SUN1: variants seen among roughly 807,000 people sequenced by gnomAD.
SUN1 encodes SUN domain-containing protein 1.
A neutral mutation model predicts 103.2 loss-of-function variants in SUN1; 61 were observed. The ratio of observed to expected loss-of-function variants is 0.59; its 90% CI spans 0.48 to 0.73. The LOEUF (loss-of-function observed/expected upper bound fraction) is 0.73, where lower values mean the gene tolerates loss of function less well. Ranked by LOEUF, SUN1 falls within the 30% of genes least tolerant of loss-of-function variation. The pLI, the probability that SUN1 is intolerant of heterozygous loss-of-function variation, is 0.00. For synonymous variants in SUN1, 490 were observed against 425.7 expected, an observed-to-expected ratio of 1.15 and a Z score of -1.86; for missense variants, 1,052 against 1,034.6, an observed-to-expected ratio of 1.02 and a Z score of -0.23.
Position 860,141 on chromosome 7 carries a change from T to G in SUN1, c.1538T>G (p.Val513Gly). The stretch of plus-strand genomic sequence containing the variant: ...CTGTTTTACTAGGTGGACGTGCAAG[T>G]CAGAGAAATGGTGAAACTCCTGTTT... ...DAVQERVDVQ[V>G]REMVKLLFSE... The change falls in exon 14 of 19, where the codon GTC becomes GGC. Residue 513 changes from valine to glycine, a missense_variant. Around this residue, in one of 2 missense-constraint regions of SUN1, gnomAD observed 846 missense variants for 774.5 expected, o/e 1.09. Coordinates refer to ENST00000401592, the MANE Select transcript of SUN1 (RefSeq NM_001130965.3). The G allele has an allele frequency of 6.2e-7, 1 of 1,614,106 alleles. No individual in the cohort carries two copies. Among genetic ancestry groups the G allele is most frequent in the Non-Finnish European group, 8.5e-7 (1 of 1,179,980 alleles).
At chr7:865,120 G>T (rs12700233) in intron 15 of SUN1, among the ~76,000 whole-genome samples, 53,900 of 151,874 alleles carry the variant, frequency 0.35, 10,116 homozygotes, top group Middle Eastern at 0.42. Context: ...AGTGACCTCT[G>T]GTAGCCATCC....
At chr7:848,298 G>A (rs2128345860) in intron 5 of SUN1, 1 of 893,880 alleles carries the variant, frequency 1.1e-6, no homozygotes, top group Middle Eastern at 2.6e-4. Context: ...TTCCCCAAGT[G>A]ATTATCTTTG....
rs79450102 is a variant in SUN1, at chr7:873,595, G to T, written c.*264G>T. 0.043 allele frequency: 16,987 copies of T among 393,162 alleles called. 404 individuals are homozygous for T. Among genetic ancestry groups the T allele is most frequent in the African/African-American group, 0.058 (2,846 of 48,834 alleles). 24.4% of individuals were successfully genotyped at this position (393,162 alleles called of 1,614,324 possible). The stretch of plus-strand genomic sequence containing the variant: ...CTCTCAGACACTCCTTGTTTTTAAC[G>T]GGAAGCTCTTTGCATTTGCATTTCC... On this transcript the variant is annotated 3_prime_UTR_variant, in exon 19 of 19. Transcript: ENST00000401592.
At chr7:848,474 T>C (rs1205578339) in intron 5 of SUN1, 2 of 1,364,682 alleles carry the variant, frequency 1.5e-6, no homozygotes, top group South Asian at 1.1e-5. Context: ...CACTGCATCA[T>C]CTTTTTCATC....
chr7:826,559 G>A (rs1792203048), intron 1 of SUN1, among the ~76,000 whole-genome samples: 3 of 152,220 alleles, frequency 2.0e-5, no homozygotes, highest in Admixed American at 6.5e-5. Context: ...TCTGGGAGGA[G>A]GGGCCTGTGT....
intron 2 of SUN1, among the ~76,000 whole-genome samples, chr7:839,873 T>G (rs1807491996): frequency 6.6e-6 from 1 of 152,216 alleles, no homozygotes; most frequent in South Asian, 2.1e-4. Context: ...CTTTAGGTCT[T>G]TATTAAAAAT....
intron 5 of SUN1, among the ~76,000 whole-genome samples, chr7:845,996 G>T (rs941723294): frequency 6.6e-6 from 1 of 152,124 alleles, no homozygotes; most frequent in Non-Finnish European, 1.5e-5. Context: ...TGCAGTTCTG[G>T]CTTTGTCTTT....
At chr7:830,815 G>C (rs937169563), upstream of SUN1, 1 of 332,844 alleles carries the variant, frequency 3.0e-6, no homozygotes, top group African/African-American at 2.2e-5. Context: ...GTGTCCCCCA[G>C]GGTATAGCGG....
chr7:844,796 A>T (rs1241413853), intron 5 of SUN1, among the ~76,000 whole-genome samples: 1 of 152,152 alleles, frequency 6.6e-6, no homozygotes, highest in Admixed American at 6.5e-5. Flanking sequence ...ACTGGGGCTT[A>T]GCCAGCTCAG....
At chr7:861,314 C>A in intron 14 of SUN1, 66 bp from the exon 15 acceptor site, 2 of 1,520,978 alleles carry the variant, frequency 1.3e-6, no homozygotes, top group Non-Finnish European at 1.8e-6. Context: ...TCATCCATGG[C>A]ACTAAAACCC....
rs956737013 is a variant in SUN1, at chr7:869,198, C to G, written c.1981-151C>G. On this transcript the variant is annotated intron_variant, in intron 16 of 18. Transcript: ENST00000401592. Reference sequence around the variant, plus strand: ...CCTCTGAGGAGTGAATTACAAATGCCTTTCCCAGCTTATCTTCGGATTTTG... The same window carrying G: ...CCTCTGAGGAGTGAATTACAAATGCGTTTCCCAGCTTATCTTCGGATTTTG... The G allele has an allele frequency of 4.2e-6, 4 of 963,568 alleles. No homozygotes were observed. In the South Asian group the frequency reaches 5.0e-5, roughly 12 times the overall value. 59.7% of individuals were successfully genotyped at this position (963,568 alleles called of 1,614,324 possible). A position where few individuals can be genotyped will look rare whatever the true frequency, so the allele number is the denominator to read the frequency against.
At chr7:849,823 G>T in intron 5 of SUN1, 1 of 1,309,460 alleles carries the variant, frequency 7.6e-7, no homozygotes, top group Non-Finnish European at 1.1e-6. Context: ...GTGTAATTGA[G>T]TTTCCCAGTT....
At chr7:818,934 G>C (rs1419698282) in intron 1 of SUN1, among the ~76,000 whole-genome samples, 1 of 149,832 alleles carries the variant, frequency 6.7e-6, no homozygotes, top group Non-Finnish European at 1.5e-5. Flanking sequence ...CAGGAACTCA[G>C]CTCACCGCGA....
upstream of SUN1, chr7:831,083 GGA>G: frequency 1.1e-6 from 1 of 882,898 alleles, no homozygotes; most frequent in Non-Finnish European, 1.4e-6. Flanking sequence ...TAGACAGGTG[GGA>G]GAGAGACAGT....
At chr7:869,261 C>G (rs1175419064) in intron 16 of SUN1, 88 bp from the exon 17 acceptor site, 3 of 1,454,706 alleles carry the variant, frequency 2.1e-6, no homozygotes, top group Admixed American at 2.3e-5. Context: ...TTATTTTTAT[C>G]TCAGTATAAT....
At chr7:817,446 C>T in intron 1 of SUN1, 1 of 1,536,148 alleles carries the variant, frequency 6.5e-7, no homozygotes, top group Non-Finnish European at 8.7e-7. Context: ...CACCTTGCCA[C>T]TGTCACCGTC....
intron 14 of SUN1, 144 bp downstream of exon 14, chr7:860,526 A>G: frequency 1.4e-6 from 2 of 1,389,692 alleles, no homozygotes; most frequent in Non-Finnish European, 1.9e-6. Flanking sequence ...GTGAGATGAG[A>G]CGTGCCTGGG....
intron 10 of SUN1, 53 bp from the exon 11 acceptor site, chr7:854,867 G>T: frequency 7.0e-7 from 1 of 1,437,766 alleles, no homozygotes; most frequent in South Asian, 1.2e-5. Flanking sequence ...GATTTGCCAG[G>T]TTTTTGTTGC....
At chr7:853,721 G>A (rs1345473740) in intron 10 of SUN1, 103 bp downstream of exon 10, 4 of 1,280,240 alleles carry the variant, frequency 3.1e-6, no homozygotes, top group Non-Finnish European at 4.3e-6. Flanking sequence ...AGGTGCCGTT[G>A]TGAAAAGGGG....
Sources: gnomAD v4.1 joint callset for allele counts (sites outside exome capture counted in the v4.1 genomes callset) on GRCh38, gnomAD v4.1.1 for gene constraint, gnomAD v4.1.1 regional missense constraint, MANE v1.5 for transcripts, NCBI Gene and HGNC (gene_info 2026-07-23, HGNC 2026-07-21) for gene names.